Variants in KEL observed in about 807,000 individuals in gnomAD.
The protein encoded by KEL is kell blood group glycoprotein.
Under a neutral mutation model 99.5 loss-of-function variants are expected in KEL, and 96 were observed. The ratio of observed to expected loss-of-function variants is 0.97; its 90% CI spans 0.82 to 1.14. The LOEUF (loss-of-function observed/expected upper bound fraction) is 1.14, where lower values mean the gene tolerates loss of function less well. Ranked by LOEUF, KEL falls within the 50% of genes most tolerant of loss-of-function variation. The probability of loss-of-function intolerance (pLI) is 0.00; values close to 1 mark genes in which losing one functional copy is unlikely to be tolerated. For synonymous variants in KEL, 355 were observed against 354.8 expected, an observed-to-expected ratio of 1.00 and a Z score of -0.01; for missense variants, 926 against 924.2, an observed-to-expected ratio of 1.00 and a Z score of -0.03.
intron 18 of KEL, 147 bp downstream of exon 18, chr7:142,942,287 G>GCCGTATCATT: frequency 1.5e-6 from 1 of 663,164 alleles, no homozygotes; most frequent in East Asian, 2.7e-5. Context: ...GGTAGGGAGG[G>GCCGTATCATT]AAGAGAAAAG....
intron 5 of KEL, among the ~76,000 whole-genome samples, 156 bp from the exon 6 acceptor site, chr7:142,958,129 C>T (rs1796872864): frequency 6.6e-6 from 1 of 152,078 alleles, no homozygotes; most frequent in African/African-American, 2.4e-5. Flanking sequence ...TCTGCCTTCT[C>T]CCAAGGTCCT....
chr7:142,941,247 C>G lies in KEL; in HGVS notation c.*5G>C, dbSNP rs772247767. 1.2e-6 allele frequency: 2 copies of G among 1,614,006 alleles called. No homozygotes were observed. The highest frequency in any genetic ancestry group is 2.2e-5 in the South Asian group (2 of 91,076). The stretch of plus-strand genomic sequence containing the variant: ...TTCTGTGCTGTGGCATCTTTGGTAA[C>G]CAAGTTACCAGAGCTGGCAGCGGCT... On this transcript the variant is annotated 3_prime_UTR_variant, in exon 19 of 19. Coordinates refer to ENST00000355265, the MANE Select transcript of KEL (RefSeq NM_000420.3).
chr7:142,941,640 G>T (rs1408881783), intron 18 of KEL, among the ~76,000 whole-genome samples: 2 of 152,096 alleles, frequency 1.3e-5, no homozygotes, highest in Non-Finnish European at 2.9e-5. Context: ...AGAGAGGCAG[G>T]GTCTAGCGCA....
chr7:142,943,790 G>A lies in KEL; in HGVS notation c.1585C>T (p.Gln529Ter). 1 of 1,613,594 alleles carries A rather than the reference G, an allele frequency of 6.2e-7. No homozygotes were observed. Among genetic ancestry groups the A allele is most frequent in the South Asian group, 1.1e-5 (1 of 91,072 alleles). ...IVQSFLQPHP[Q>*]HRWKVSPWDV... ...TCTCCCCTGCTGTCATACCTGTGTTGGGGGTGAGGCTGCAAGAAGCTCTGG... is the reference window on the plus strand; with the variant it reads ...TCTCCCCTGCTGTCATACCTGTGTTAGGGGTGAGGCTGCAAGAAGCTCTGG... The change falls in exon 14 of 19, where the codon CAA becomes TAA. Residue 529 changes from glutamine to a stop codon, truncating the protein, a stop_gained. Coordinates refer to ENST00000355265, the MANE Select transcript of KEL (RefSeq NM_000420.3). LOFTEE classifies it high-confidence loss of function.
rs140592001 is a variant in KEL at position 142,942,485 on chromosome 7, C to A, written c.1986G>T (p.Leu662=). 1.1e-5 allele frequency: 18 copies of A among 1,610,080 alleles called. No homozygotes were observed. The African/African-American group carries it at 2.3e-4, about 20-fold the overall frequency. The part of the protein sequence containing the change: ...RLLRHHGETV[L]PSLDLSPQQI... ...GCTGGGGGCTGAGGTCCAGGCTGGG[C>A]AGGACAGTCTCCCCATGGTGCCGTA... The change falls in exon 18 of 19, where the codon CTG becomes CTT. Residue 662 remains leucine, a synonymous_variant. Transcript: ENST00000355265.
In KEL at chr7:142,941,268, C is replaced by T. The variant is rs201835469; in HGVS notation, c.2183G>A (p.Arg728His). Reference protein sequence around the residue: ...ARGALLNPSSRCQLW With the variant: ...ARGALLNPSSHCQLW ...GTAACCAAGTTACCAGAGCTGGCAG[C>T]GGCTGGAGGGGTTCAAGAGAGCACC... is the stretch of plus-strand genomic sequence containing the variant. Residue 728 changes from arginine (R) to histidine (H), a missense_variant, in exon 19 of 19, where the codon CGC becomes CAC. Coordinates refer to ENST00000355265, the MANE Select transcript of KEL (RefSeq NM_000420.3). The T allele has an allele frequency of 3.1e-5, 50 of 1,614,044 alleles. No homozygotes were observed. The highest frequency in any genetic ancestry group is 3.3e-4 in the Middle Eastern group (2 of 6,056).
rs540472092 is a variant in KEL at position 142,944,377 on chromosome 7, C to T, written c.1437G>A (p.Met479Ile). ...QDKVAQLQVE[M>I]GASEWALKPE... ...GCTTCAGGGCCCATTCTGAAGCCCC[C>T]ATCTCCACCTGCAGTTGAGCAACCT... Residue 479 changes from methionine to isoleucine, a missense_variant, in exon 13 of 19, where the codon ATG becomes ATA. Met to Ile is a conservative substitution (Grantham distance 10). Transcript: ENST00000355265. 1.9e-6 allele frequency: 3 copies of T among 1,614,060 alleles called. No homozygotes were observed. The highest frequency in any genetic ancestry group is 1.7e-5 in the Admixed American group (1 of 60,030).
intron 10 of KEL, among the ~76,000 whole-genome samples, chr7:142,952,186 C>A (rs1796702298): frequency 6.6e-6 from 1 of 152,124 alleles, no homozygotes; most frequent in Admixed American, 6.5e-5. Flanking sequence ...CCAAGTTATC[C>A]TGAGCAAATA....
intron 16 of KEL, 101 bp from the exon 17 acceptor site, chr7:142,943,145 G>T: frequency 1.3e-6 from 2 of 1,557,538 alleles, no homozygotes; most frequent in Non-Finnish European, 8.8e-7. Context: ...CAGCTCCCAG[G>T]AGCATGGCAA....
intron 1 of KEL, 72 bp from the exon 2 acceptor site, chr7:142,961,944 C>G (rs1000746558): frequency 2.8e-5 from 45 of 1,601,302 alleles, no homozygotes; most frequent in Non-Finnish European, 3.4e-5. Flanking sequence ...AGAGTTTTAT[C>G]AGGCCATTTT....
chr7:142,952,473 G>A (rs771430228), intron 10 of KEL, 36 bp downstream of exon 10: 16 of 1,612,164 alleles, frequency 9.9e-6, no homozygotes, highest in African/African-American at 5.3e-5. Context: ...TACTCCTTTC[G>A]AGTATCTGGG....
intron 14 of KEL, 81 bp from the exon 15 acceptor site, chr7:142,943,677 T>C: frequency 7.0e-7 from 1 of 1,425,476 alleles, no homozygotes; most frequent in African/African-American, 1.4e-5. Context: ...CCCTCCCAAC[T>C]ACCATTACTG....
chr7:142,946,015 G>A, intron 11 of KEL, 192 bp downstream of exon 11: 1 of 602,506 alleles, frequency 1.7e-6, no homozygotes, highest in East Asian at 2.8e-5. Context: ...GAGAATTTGT[G>A]GCCTGAAGCT....
intron 18 of KEL, chr7:142,942,094 C>A: frequency 2.7e-6 from 1 of 365,068 alleles, no homozygotes; most frequent in Non-Finnish European, 5.1e-6. Flanking sequence ...CAGGTGTGAG[C>A]CACTGTGCCC....
At chr7:142,958,553 A>C in intron 4 of KEL, 125 bp from the exon 5 acceptor site, 1 of 852,252 alleles carries the variant, frequency 1.2e-6, no homozygotes. Flanking sequence ...GGTTTTATTT[A>C]ACCCATGTAA....
At chr7:142,953,417 C>T in intron 9 of KEL, 1 of 983,552 alleles carries the variant, frequency 1.0e-6, no homozygotes, top group Non-Finnish European at 1.2e-6. Flanking sequence ...GTGCCTCCTC[C>T]TCCTGCCCAC....
intron 9 of KEL, among the ~76,000 whole-genome samples, chr7:142,953,031 C>T (rs1796728146): frequency 6.6e-6 from 1 of 152,172 alleles, no homozygotes; most frequent in African/African-American, 2.4e-5. Flanking sequence ...AATGCTCCTG[C>T]CAGGGCTGCA....
rs761665155 is a variant in KEL, at chr7:142,944,437, C to T, written c.1414-37G>A. 23 of 1,540,856 alleles carry T rather than the reference C, an allele frequency of 1.5e-5. No individual in the cohort carries two copies. In the East Asian group the frequency reaches 1.8e-4, roughly 12 times the overall value. ...CACAGAAGAGGCTAGGAATACTCTC[C>T]GAGTCTACCAGAGGAAATTTCTCCC... On this transcript the variant is annotated intron_variant, in intron 12 of 18. Coordinates refer to ENST00000355265, the MANE Select transcript of KEL (RefSeq NM_000420.3).
intron 10 of KEL, among the ~76,000 whole-genome samples, chr7:142,950,716 CACCA>C (rs367862848): frequency 5.3e-5 from 8 of 152,220 alleles, no homozygotes; most frequent in African/African-American, 1.9e-4. Context: ...TAGTTTGTAA[CACCA>C]ACCATTTATG....
Sources: gnomAD v4.1 joint callset for allele counts (sites outside exome capture counted in the v4.1 genomes callset) on GRCh38, gnomAD v4.1.1 for gene constraint, MANE v1.5 for transcripts, NCBI Gene and HGNC (gene_info 2026-07-23, HGNC 2026-07-21) for gene names.